Variants in FYB1 observed in about 807,000 individuals in gnomAD.
The protein encoded by FYB1 is FYN binding protein 1.
In FYB1, 41 loss-of-function variants were observed where a neutral mutation model predicts 94.1. That is an observed-to-expected ratio of 0.44 (90% CI 0.34 to 0.57). The LOEUF (loss-of-function observed/expected upper bound fraction) is 0.57, where lower values mean the gene tolerates loss of function less well. Among genes scored for constraint, FYB1 ranks in the 20% least tolerant of loss-of-function variants. The pLI is 0.02. For missense variants in FYB1, 1,050 were observed against 976.8 expected, an observed-to-expected ratio of 1.07 and a Z score of -1.00; for synonymous variants, 367 against 353.2, an observed-to-expected ratio of 1.04 and a Z score of -0.44.
chr5:39,268,335 C>T (rs1460643004), intron 1 of FYB1, among the ~76,000 whole-genome samples: 2 of 151,330 alleles, frequency 1.3e-5, no homozygotes, highest in Non-Finnish European at 2.9e-5. Flanking sequence ...TCAAATAATC[C>T]TCCTGCATCA....
At chr5:39,165,980 A>T (rs746987559) in intron 2 of FYB1, among the ~76,000 whole-genome samples, 15 of 152,190 alleles carry the variant, frequency 9.9e-5, no homozygotes, top group Admixed American at 6.5e-4. Flanking sequence ...ATAATAAGAG[A>T]TGTGGGCAAG....
chr5:39,254,876 C>G (rs1338145411), intron 1 of FYB1, among the ~76,000 whole-genome samples: 1 of 151,914 alleles, frequency 6.6e-6, no homozygotes, highest in Non-Finnish European at 1.5e-5. Context: ...AAAGTTGGAA[C>G]CAAACATTAA....
chr5:39,198,168 C>A (rs1337738602), intron 2 of FYB1, among the ~76,000 whole-genome samples: 1 of 152,040 alleles, frequency 6.6e-6, no homozygotes, highest in Non-Finnish European at 1.5e-5. Flanking sequence ...AATGTGCTGG[C>A]GAAGTAGGTG....
rs568033141 is a variant in FYB1 at position 39,166,768 on chromosome 5, T to G, written c.1136-13164A>C. ...GTTAAATTAAATATAGACGCGGACA[T>G]AGAGTGTGAAATAATAGACCCTGGA... is the stretch of plus-strand genomic sequence containing the variant. On this transcript the variant is annotated intron_variant, in intron 2 of 18. Coordinates refer to ENST00000512982, the MANE Select transcript of FYB1 (RefSeq NM_001465.6). 1.2e-3 allele frequency among the ~76,000 whole-genome samples: 187 copies of G among 151,936 alleles called. 1 individual carries two copies. In the Middle Eastern group the frequency reaches 0.014, roughly 11 times the overall value.
At chr5:39,216,274 C>T (rs533724886) in intron 1 of FYB1, among the ~76,000 whole-genome samples, 3 of 152,148 alleles carry the variant, frequency 2.0e-5, no homozygotes, top group African/African-American at 4.8e-5. Flanking sequence ...GTGTATAATA[C>T]GATTTTTAAT....
chr5:39,181,827 C>A (rs1040902136), intron 2 of FYB1, among the ~76,000 whole-genome samples: 1 of 152,112 alleles, frequency 6.6e-6, no homozygotes, highest in Admixed American at 6.5e-5. Flanking sequence ...CCTCCTTAAT[C>A]GAGGCTCATG....
At chr5:39,120,831 A>G (rs1174190386) in intron 14 of FYB1, among the ~76,000 whole-genome samples, 7 of 152,130 alleles carry the variant, frequency 4.6e-5, no homozygotes, top group Non-Finnish European at 2.9e-5. Context: ...CACAATATCT[A>G]TATCAGGTTC....
At chr5:39,216,268 A>G (rs1749860629) in intron 1 of FYB1, among the ~76,000 whole-genome samples, 1 of 152,220 alleles carries the variant, frequency 6.6e-6, no homozygotes, top group African/African-American at 2.4e-5. Context: ...GTGTGTGTGT[A>G]TAATACGATT....
chr5:39,193,019 C>A (rs371612902), intron 2 of FYB1, among the ~76,000 whole-genome samples: 6 of 129,658 alleles, frequency 4.6e-5, no homozygotes, highest in African/African-American at 1.5e-4. Flanking sequence ...GCCCTCAAGG[C>A]ATTTGCAGGT....
chr5:39,228,404 T>C (rs1750574588), intron 1 of FYB1, among the ~76,000 whole-genome samples: 1 of 152,228 alleles, frequency 6.6e-6, no homozygotes, highest in Non-Finnish European at 1.5e-5. Context: ...ATATTCTGTT[T>C]CTTCTGTTTG....
At chr5:39,128,273 A>G (rs1396719022) in intron 10 of FYB1, among the ~76,000 whole-genome samples, 1 of 152,138 alleles carries the variant, frequency 6.6e-6, no homozygotes, top group East Asian at 1.9e-4. Flanking sequence ...GACTTTTAAA[A>G]TACATATTTT....
chr5:39,197,350 C>T (rs777802510), intron 2 of FYB1, among the ~76,000 whole-genome samples: 48 of 151,996 alleles, frequency 3.2e-4, no homozygotes, highest in African/African-American at 8.5e-4. Flanking sequence ...TCTAATTATA[C>T]CATGCAGCAA....
intron 2 of FYB1, among the ~76,000 whole-genome samples, chr5:39,199,007 AT>A (rs1328541858): frequency 1.3e-5 from 2 of 152,034 alleles, no homozygotes; most frequent in African/African-American, 4.8e-5. Context: ...CTCAACACTC[AT>A]TTGTGAAATG....
At chr5:39,262,637 TC>T (rs1409457777) in intron 1 of FYB1, among the ~76,000 whole-genome samples, 3 of 152,214 alleles carry the variant, frequency 2.0e-5, no homozygotes, top group Non-Finnish European at 4.4e-5. Flanking sequence ...CAAAGGATGT[TC>T]ATCTACCACT....
At chr5:39,238,121 T>G (rs541836977) in intron 1 of FYB1, among the ~76,000 whole-genome samples, 2 of 152,182 alleles carry the variant, frequency 1.3e-5, no homozygotes, top group East Asian at 3.9e-4. Flanking sequence ...GCCACTGAAC[T>G]GTACCCTTAA....
At chr5:39,167,814 T>C (rs1744876336) in intron 2 of FYB1, among the ~76,000 whole-genome samples, 1 of 152,242 alleles carries the variant, frequency 6.6e-6, no homozygotes, top group African/African-American at 2.4e-5. Context: ...TGTGCCTCAA[T>C]GAAGTCTTGT....
intron 2 of FYB1, among the ~76,000 whole-genome samples, chr5:39,182,722 A>G (rs1380705022): frequency 6.6e-6 from 1 of 152,206 alleles, no homozygotes; most frequent in Non-Finnish European, 1.5e-5. Flanking sequence ...TATTTAGTAG[A>G]ATAAAGTGCC....
In FYB1 at chr5:39,202,772, A is replaced by G; in HGVS notation, c.189T>C (p.Pro63=). ...CCTCAGAAGAAGGTTTGACTGCCAC[A>G]GGTGGCTTTGGGGACCCAAACTTAG... ...NVPKFGSPKP[P]VAVKPSSEEK... Residue 63 remains proline, a synonymous_variant, in exon 2 of 19, where the codon CCT becomes CCC. Coordinates refer to ENST00000512982, the MANE Select transcript of FYB1 (RefSeq NM_001465.6). 1 of 1,613,970 alleles carries G rather than the reference A, an allele frequency of 6.2e-7. No individual in the cohort carries two copies. Among genetic ancestry groups the G allele is most frequent in the Non-Finnish European group, 8.5e-7 (1 of 1,179,874 alleles).
intron 1 of FYB1, among the ~76,000 whole-genome samples, chr5:39,207,731 A>G (rs191739980): frequency 1.9e-3 from 235 of 124,966 alleles, no homozygotes; most frequent in Non-Finnish European, 3.1e-3. Flanking sequence ...GGTTTTAAAT[A>G]TTTCTTGGAT....
Sources: allele counts gnomAD v4.1 joint callset (sites outside exome capture counted in the v4.1 genomes callset), GRCh38; gene constraint gnomAD v4.1.1; transcripts MANE v1.5; gene names NCBI Gene and HGNC (gene_info 2026-07-23, HGNC 2026-07-21).